Variants in ABCA7 observed in about 807,000 individuals in gnomAD.
The protein encoded by ABCA7 is ATP binding cassette subfamily A member 7.
Under a neutral mutation model 227.6 loss-of-function variants are expected in ABCA7, and 261 were observed. The observed-to-expected ratio is 1.15, with a 90% CI of 1.04 to 1.27. The LOEUF is 1.27. Ranked by LOEUF, ABCA7 falls within the 50% of genes most tolerant of loss-of-function variation. The pLI is 0.00. For missense variants in ABCA7, 3,331 were observed against 2,924.5 expected, an observed-to-expected ratio of 1.14 and a Z score of -3.21; for synonymous variants, 1,488 against 1,279.7, an observed-to-expected ratio of 1.16 and a Z score of -3.47.
At chr19:1,042,647 G>A in intron 6 of ABCA7, 99 bp from the exon 7 acceptor site, 1 of 1,263,852 alleles carries the variant, frequency 7.9e-7, no homozygotes, top group Non-Finnish European at 1.2e-6. Flanking sequence ...TTTGTAAAGT[G>A]GGGGCTATGA....
At chr19:1,057,859 C>T in intron 35 of ABCA7, 56 bp from the exon 36 acceptor site, 1 of 1,586,374 alleles carries the variant, frequency 6.3e-7, no homozygotes, top group South Asian at 1.1e-5. Context: ...ATTTTTATTC[C>T]TCTCAGGGCT....
chr19:1,064,860 G>C, intron 45 of ABCA7, 71 bp from the exon 46 acceptor site: 1 of 1,499,960 alleles, frequency 6.7e-7, no homozygotes, highest in Non-Finnish European at 8.9e-7. Context: ...AGAGTATTAG[G>C]GGCTGGAGGG....
intron 37 of ABCA7, 104 bp from the exon 38 acceptor site, chr19:1,058,513 TC>T (rs1852462286): frequency 2.6e-6 from 4 of 1,544,250 alleles, no homozygotes; most frequent in Non-Finnish European, 3.5e-6. Flanking sequence ...GAGTGGCCTA[TC>T]CAATTTGTGT....
In ABCA7 at chr19:1,051,240, C is replaced by A; in HGVS notation, c.2770C>A (p.Leu924Met). The A allele has an allele frequency of 6.2e-7, 1 of 1,610,136 alleles. No individual in the cohort carries two copies. Among genetic ancestry groups the A allele is most frequent in the Non-Finnish European group, 8.5e-7 (1 of 1,179,352 alleles). ...AGTGGGCCCCGAGCAGGACCGTCTG[C>A]TGCAGGATGTGGGGCTGGTCTCCAA... ...AVVGPEQDRL[L>M]QDVGLVSKQS... The change falls in exon 20 of 47, where the codon CTG (leucine) becomes ATG (methionine). Residue 924 changes from leucine to methionine, a missense_variant. By Grantham distance (15) the Leu-to-Met change is conservative (BLOSUM62 2). Coordinates refer to ENST00000263094, the MANE Select transcript of ABCA7 (RefSeq NM_019112.4).
At position 1,044,619 on chromosome 19, in the gene ABCA7, C is replaced by A. The variant is rs767214073; in HGVS notation, c.1090C>A (p.Pro364Thr). Reference protein sequence around the residue: ...MQDEGRRQPRPGGRDHMEALR... With the variant: ...MQDEGRRQPRTGGRDHMEALR... ...GGATGAAGGAAGAAGGCAGCCCAGA[C>A]CTGGAGGCCGGGACCACATGGAGGC... Residue 364 changes from proline to threonine, a missense_variant, in exon 11 of 47, where the codon CCT becomes ACT. Transcript: ENST00000263094. 2 of 1,613,264 alleles carry A rather than the reference C, an allele frequency of 1.2e-6. No individual in the cohort carries two copies. The highest frequency in any genetic ancestry group is 1.7e-6 in the Non-Finnish European group (2 of 1,179,952).
rs1482592842 is a variant in ABCA7, at chr19:1,041,573, C to T, written c.130C>T (p.His44Tyr). ...FLFFILVAVR[H>Y]SHPPLEHHEC... ...CTTCTTCATCCTGGTGGCTGTTCGC[C>T]ACTCCCACCCGCCCCTGGAGCACCA... The change falls in exon 3 of 47, where the codon CAC becomes TAC. Residue 44 changes from histidine (H) to tyrosine (Y), a missense_variant. Physicochemically the swap from His to Tyr is moderately conservative, Grantham distance 83. Coordinates refer to ENST00000263094, the MANE Select transcript of ABCA7 (RefSeq NM_019112.4). The T allele has an allele frequency of 1.2e-6, 2 of 1,612,762 alleles. No individual in the cohort carries two copies. Among genetic ancestry groups the T allele is most frequent in the Non-Finnish European group, 1.7e-6 (2 of 1,180,018 alleles).
At chr19:1,048,832 C>T (rs2041040071) in intron 16 of ABCA7, 63 bp from the exon 17 acceptor site, 3 of 968,638 alleles carry the variant, frequency 3.1e-6, no homozygotes, top group Non-Finnish European at 4.4e-6. Flanking sequence ...AACAAAACCC[C>T]AAAAAAAGCC....
At position 1,048,899 on chromosome 19, in the gene ABCA7, G is replaced by C. The variant is rs76282929; in HGVS notation, c.2274G>C (p.Gln758His). 3,955 of 1,602,932 alleles carry C rather than the reference G, an allele frequency of 2.5e-3. 110 individuals carry two copies. In the African/African-American group the frequency reaches 0.047, roughly 19 times the overall value. The part of the protein sequence containing the change: ...TWYLEAVCPG[Q>H]YGIPEPWNFP... Reference sequence around the variant, plus strand: ...AACCCGCGCCCCTCCCCGCAGGCCAGTACGGGATCCCTGAACCATGGAATT... The same window carrying C: ...AACCCGCGCCCCTCCCCGCAGGCCACTACGGGATCCCTGAACCATGGAATT... Residue 758 changes from glutamine (Q) to histidine (H), a missense_variant, in exon 17 of 47, where the codon CAG becomes CAC. Physicochemically the swap from Gln to His is conservative, Grantham distance 24. Transcript: ENST00000263094.
intron 24 of ABCA7, 71 bp from the exon 25 acceptor site, chr19:1,053,717 G>A (rs977429529): frequency 1.3e-6 from 2 of 1,564,256 alleles, no homozygotes; most frequent in African/African-American, 2.7e-5. Flanking sequence ...GTGTAGGAGG[G>A]GTGGGGGGCT....
Position 1,054,530 on chromosome 19 carries a change from A to C in ABCA7, c.3727-40A>C, listed in dbSNP as rs755032554. On this transcript the variant is annotated intron_variant, in intron 27 of 46. Transcript: ENST00000263094. The surrounding 1 kb of genome is among the most constrained non-coding windows in gnomAD (Gnocchi z 4.8). ...CAGGGACAGGTGCAAGCAAGCCTGGAGGGTGGATGGAAGCAGCAGCTGATG... is the reference window on the plus strand; with the variant it reads ...CAGGGACAGGTGCAAGCAAGCCTGGCGGGTGGATGGAAGCAGCAGCTGATG... The C allele has an allele frequency of 8.1e-6, 13 of 1,595,718 alleles. No homozygotes were observed. The highest frequency in any genetic ancestry group is 1.1e-5 in the Non-Finnish European group (13 of 1,169,214).
chr19:1,041,102 G>A, intron 1 of ABCA7, 123 bp from the exon 2 acceptor site: 1 of 578,284 alleles, frequency 1.7e-6, no homozygotes, highest in African/African-American at 1.9e-5. Flanking sequence ...TGCTCAGAGC[G>A]ACAGTCCTGG....
rs139765732 is a variant in ABCA7 at position 1,058,849 on chromosome 19, G to A, written c.5309G>A (p.Gly1770Glu). 1,120 of 1,577,746 alleles carry A rather than the reference G, an allele frequency of 7.1e-4. 5 individuals carry two copies. In the African/African-American group the frequency reaches 0.011, roughly 16 times the overall value. ...QPRVRSLPLL[G>E]EEDEDVARER... ...AGGGTGAGGTCTCTGCCACTCCTGG[G>A]AGAGGAGGACGAGGATGTAGCCCGT... Residue 1770 changes from glycine (G) to glutamate (E), a missense_variant, in exon 39 of 47, where the codon GGA (glycine) becomes GAA (glutamate). By Grantham distance (98) the Gly-to-Glu change is moderately conservative (BLOSUM62 -2). Transcript: ENST00000263094.
rs1444528314 is a variant in ABCA7 at position 1,042,952 on chromosome 19, G to A, written c.580-89G>A. The A allele has an allele frequency of 2.5e-5, 38 of 1,515,724 alleles. No individual in the cohort carries two copies. The South Asian group carries it at 4.5e-4, about 18-fold the overall frequency. The allele number at this position is 1,515,724 out of a possible 1,614,324, so 93.9% of individuals were successfully genotyped here. A position where few individuals can be genotyped will look rare whatever the true frequency, so the allele number is the denominator to read the frequency against. On this transcript the variant is annotated intron_variant, in intron 7 of 46. Transcript: ENST00000263094. ...TTTTCAGGAGGATTAGACAGCGAGA[G>A]GGAGAGGCTGCCCCTGGCCCAGTGC...
Position 1,049,370 on chromosome 19 carries a change from C to T in ABCA7, c.2485C>T (p.Leu829=), listed in dbSNP as rs1045621919. ...GCAGCCAGCCCTGCGGGGGCTCAGCCTGGACTTCTACCAGGGCCACATCAC... is the reference window on the plus strand; with the variant it reads ...GCAGCCAGCCCTGCGGGGGCTCAGCTTGGACTTCTACCAGGGCCACATCAC... The part of the protein sequence containing the change: ...SPQPALRGLS[L]DFYQGHITAF... The change falls in exon 18 of 47, where the codon CTG becomes TTG. Residue 829 remains leucine, a synonymous_variant. Coordinates refer to ENST00000263094, the MANE Select transcript of ABCA7 (RefSeq NM_019112.4). 4 of 1,611,454 alleles carry T rather than the reference C, an allele frequency of 2.5e-6. No individual in the cohort carries two copies. The highest frequency in any genetic ancestry group is 1.1e-5 in the South Asian group (1 of 91,058).
In ABCA7 at chr19:1,042,301, C is replaced by A; in HGVS notation, c.416-14C>A. The A allele has an allele frequency of 6.4e-7, 1 of 1,574,172 alleles. No homozygotes were observed. Among genetic ancestry groups the A allele is most frequent in the East Asian group, 2.3e-5 (1 of 44,252 alleles). On this transcript the variant is annotated splice_polypyrimidine_tract_variant and intron_variant, in intron 5 of 46. Transcript: ENST00000263094. ...GTCCCCCCAGCCCCATGCTCCCGTG[C>A]GCTCCTCCCCCAGCCCAGCCTCAAC...
chr19:1,049,359 G>A lies in ABCA7; in HGVS notation c.2474G>A (p.Arg825Gln), dbSNP rs775554789. Residue 825 changes from arginine (R) to glutamine (Q), a missense_variant, in exon 18 of 47, where the codon CGG becomes CAG. Coordinates refer to ENST00000263094, the MANE Select transcript of ABCA7 (RefSeq NM_019112.4). ...RFPGSPQPALRGLSLDFYQGH... is the reference protein window; with the variant it reads ...RFPGSPQPALQGLSLDFYQGH... ...CCTGGAAGCCCGCAGCCAGCCCTGCGGGGGCTCAGCCTGGACTTCTACCAG... is the reference window on the plus strand; with the variant it reads ...CCTGGAAGCCCGCAGCCAGCCCTGCAGGGGCTCAGCCTGGACTTCTACCAG... 8 of 1,611,322 alleles carry A rather than the reference G, an allele frequency of 5.0e-6. No homozygotes were observed. The highest frequency in any genetic ancestry group is 1.7e-5 in the Admixed American group (1 of 59,912).
Position 1,064,992 on chromosome 19 carries a change from G to A in ABCA7, c.6106G>A (p.Ala2036Thr), listed in dbSNP as rs774565370. The A allele has an allele frequency of 4.1e-5, 63 of 1,555,482 alleles. No individual in the cohort carries two copies. Among genetic ancestry groups the A allele is most frequent in the Non-Finnish European group, 5.3e-5 (61 of 1,151,294 alleles). Residue 2036 changes from alanine to threonine, a missense_variant, in exon 46 of 47, where the codon GCC (alanine) becomes ACC (threonine). Ala to Thr is a moderately conservative substitution (Grantham distance 58). Coordinates refer to ENST00000263094, the MANE Select transcript of ABCA7 (RefSeq NM_019112.4). ...VPAARSQPAA[A>T]FVAAEFPGAE... is the part of the protein sequence containing the mutation. ...CGCCGCAAGGTCCCAGCCGGCAGCG[G>A]CCTTCGTGGCGGCCGAGTTCCCTGG...
At position 1,052,106 on chromosome 19, in the gene ABCA7, C is replaced by T. The variant is rs771862599; in HGVS notation, c.3127C>T (p.Pro1043Ser). ...YYLTLVKARL[P>S]LTTNEKADTD... Reference sequence around the variant, plus strand: ...CCTGACGCTGGTGAAGGCCCGCCTGCCCCTGACCACCAATGAGAAGGTGGG... The same window carrying T: ...CCTGACGCTGGTGAAGGCCCGCCTGTCCCTGACCACCAATGAGAAGGTGGG... The change falls in exon 22 of 47, where the codon CCC (proline) becomes TCC (serine). Residue 1043 changes from proline (P) to serine (S), a missense_variant. Transcript: ENST00000263094. 6 of 1,612,272 alleles carry T rather than the reference C, an allele frequency of 3.7e-6. No homozygotes were observed. The highest frequency in any genetic ancestry group is 5.1e-6 in the Non-Finnish European group (6 of 1,179,826).
chr19:1,043,899 C>A, intron 10 of ABCA7, 58 bp downstream of exon 10: 1 of 1,484,426 alleles, frequency 6.7e-7, no homozygotes, highest in Non-Finnish European at 9.4e-7. Context: ...GGTAGACAGG[C>A]CCGGTGGATG....
Sources: gnomAD v4.1 joint callset for allele counts on GRCh38, gnomAD v4.1.1 for gene constraint, Gnocchi (gnomAD v3.1) non-coding constraint, MANE v1.5 for transcripts, NCBI Gene and HGNC (gene_info 2026-07-23, HGNC 2026-07-21) for gene names.